Variants in CGNL1 observed in about 807,000 individuals in gnomAD.
CGNL1 encodes the protein cingulin-like protein 1.
CGNL1 carries 132 observed loss-of-function variants against 141.2 expected under a neutral mutation model. That is an observed-to-expected ratio of 0.93 (90% CI 0.81 to 1.08). The LOEUF is 1.08. Ranked by LOEUF, CGNL1 falls within the 50% of genes least tolerant of loss-of-function variation. The probability of loss-of-function intolerance (pLI) is 0.00; values close to 1 mark genes in which losing one functional copy is unlikely to be tolerated. For synonymous variants in CGNL1, 690 were observed against 622.1 expected (o/e 1.11, Z -1.63); for missense variants, 1,870 against 1,588.6 (o/e 1.18, Z -3.01).
chr15:57,500,049 T>C (rs932028), intron 8 of CGNL1, among the ~76,000 whole-genome samples: 20,028 of 152,094 alleles, frequency 0.13, 1,922 homozygotes, highest in East Asian at 0.46. Flanking sequence ...GAGGTGTGTA[T>C]TGGAGTTGGG....
At chr15:57,386,323 C>T (rs2062482611) in intron 1 of CGNL1, among the ~76,000 whole-genome samples, 1 of 152,202 alleles carries the variant, frequency 6.6e-6, no homozygotes, top group Non-Finnish European at 1.5e-5. Flanking sequence ...GTCACCCTCC[C>T]ATCTCGTCAT....
intron 10 of CGNL1, among the ~76,000 whole-genome samples, 185 bp from the exon 11 acceptor site, chr15:57,523,304 G>A (rs113803753): frequency 0.013 from 1,936 of 152,194 alleles, 42 homozygotes; most frequent in African/African-American, 0.044. Flanking sequence ...TTCCTATTTG[G>A]TCCTTGAATT....
intron 9 of CGNL1, among the ~76,000 whole-genome samples, chr15:57,517,241 C>G (rs16977564): frequency 0.37 from 55,680 of 152,138 alleles, 10,984 homozygotes; most frequent in Middle Eastern, 0.46. Context: ...CACCCAGATA[C>G]CAGACATACC....
At chr15:57,420,369 T>C (rs2062900414) in intron 1 of CGNL1, among the ~76,000 whole-genome samples, 1 of 152,208 alleles carries the variant, frequency 6.6e-6, no homozygotes, top group Admixed American at 6.5e-5. Context: ...AATATTCCTA[T>C]ATGTAACCAT....
chr15:57,392,746 C>T (rs1236286022), intron 1 of CGNL1, among the ~76,000 whole-genome samples: 1 of 152,126 alleles, frequency 6.6e-6, no homozygotes, highest in African/African-American at 2.4e-5. Context: ...CAAGAAACCA[C>T]CATCTCATGT....
rs775685565 is a variant in CGNL1, at chr15:57,461,826, C to G, written c.2337C>G (p.Asp779Glu). Residue 779 changes from aspartate to glutamate, a missense_variant, in exon 8 of 19, where the codon GAC becomes GAG. Asp to Glu is a conservative substitution (Grantham distance 45, BLOSUM62 2). Coordinates refer to ENST00000281282, the MANE Select transcript of CGNL1 (RefSeq NM_032866.5). Reference protein sequence around the residue: ...EEVSSHDQEMDKLKEQYDAEL... With the variant: ...EEVSSHDQEMEKLKEQYDAEL... Reference sequence around the variant, plus strand: ...TTTCCAGCCATGATCAGGAGATGGACAAGCTGAAGGAGCAATATGATGCTG... The same window carrying G: ...TTTCCAGCCATGATCAGGAGATGGAGAAGCTGAAGGAGCAATATGATGCTG... 22 of 1,614,032 alleles carry G rather than the reference C, an allele frequency of 1.4e-5. No homozygotes were observed. The highest frequency in any genetic ancestry group is 1.6e-5 in the Non-Finnish European group (19 of 1,180,012).
At chr15:57,387,150 A>AATAT (rs1285721970) in intron 1 of CGNL1, among the ~76,000 whole-genome samples, 1 of 152,132 alleles carries the variant, frequency 6.6e-6, no homozygotes, top group Non-Finnish European at 1.5e-5. Flanking sequence ...TTTCTGTGGA[A>AATAT]CTGCCTAGTC....
intron 8 of CGNL1, among the ~76,000 whole-genome samples, chr15:57,497,562 T>C (rs1356468109): frequency 2.6e-5 from 4 of 152,248 alleles, no homozygotes; most frequent in Non-Finnish European, 5.9e-5. Flanking sequence ...CTTCACTCTC[T>C]GCTTCTTATT....
intron 4 of CGNL1, among the ~76,000 whole-genome samples, chr15:57,444,098 C>G (rs552729975): frequency 1.1e-4 from 16 of 152,290 alleles, no homozygotes; most frequent in Non-Finnish European, 1.8e-4. Context: ...GGTTTCTTCC[C>G]CCATCAGTTA....
intron 12 of CGNL1, among the ~76,000 whole-genome samples, chr15:57,526,947 CAT>C (rs2031651930): frequency 6.6e-6 from 1 of 152,182 alleles, no homozygotes; most frequent in Admixed American, 6.5e-5. Context: ...CCCTCACACT[CAT>C]GTTCTTTCTG....
intron 8 of CGNL1, among the ~76,000 whole-genome samples, chr15:57,514,483 G>A (rs1338122566): frequency 4.6e-5 from 7 of 152,084 alleles, no homozygotes; most frequent in Non-Finnish European, 8.8e-5. Context: ...CTGAGTTAAA[G>A]AATCATTTAT....
rs142707768 is a variant in CGNL1 at position 57,524,722 on chromosome 15, C to G, written c.3010C>G (p.Arg1004Gly). 7 of 1,614,004 alleles carry G rather than the reference C, an allele frequency of 4.3e-6. No homozygotes were observed. The South Asian group carries it at 4.4e-5, about 10-fold the overall frequency. Residue 1004 changes from arginine to glycine, a missense_variant, in exon 12 of 19, where the codon CGA becomes GGA. By Grantham distance (125) the Arg-to-Gly change is moderately radical. Transcript: ENST00000281282. ...GAAAACGCTGGAGGCAGAAAAGTCC[C>G]GACTGACAGCCATGAAAATGCAGGA... The part of the protein sequence containing the change: ...KEKTLEAEKS[R>G]LTAMKMQDEM...
At chr15:57,449,432 G>T (rs1413788013) in intron 4 of CGNL1, among the ~76,000 whole-genome samples, 3 of 152,146 alleles carry the variant, frequency 2.0e-5, no homozygotes, top group Non-Finnish European at 4.4e-5. Context: ...TAGGTTCTCA[G>T]TGAAATTGAG....
chr15:57,532,674 A>T (rs1595805262), intron 14 of CGNL1, among the ~76,000 whole-genome samples: 1 of 152,348 alleles, frequency 6.6e-6, no homozygotes, highest in East Asian at 1.9e-4. Context: ...TGAATGCTTC[A>T]TAGGTGTGTG....
chr15:57,470,597 G>A (rs1033176053), intron 8 of CGNL1, among the ~76,000 whole-genome samples: 1 of 152,174 alleles, frequency 6.6e-6, no homozygotes, highest in Admixed American at 6.5e-5. Flanking sequence ...GGGTTAGGCT[G>A]TAGAAGACAA....
At chr15:57,462,772 GGTTT>G (rs1226752979) in intron 8 of CGNL1, among the ~76,000 whole-genome samples, 4 of 152,108 alleles carry the variant, frequency 2.6e-5, no homozygotes, top group African/African-American at 9.7e-5. Flanking sequence ...ATGAAAGATG[GGTTT>G]GTTTGTTATA....
chr15:57,452,963 T>G (rs570068183), intron 6 of CGNL1, among the ~76,000 whole-genome samples: 1 of 152,254 alleles, frequency 6.6e-6, no homozygotes, highest in African/African-American at 2.4e-5. Flanking sequence ...GATGGTGGTG[T>G]TTTGCGTTTA....
At chr15:57,474,575 A>G (rs576750069) in intron 8 of CGNL1, among the ~76,000 whole-genome samples, 100 of 152,354 alleles carry the variant, frequency 6.6e-4, no homozygotes, top group African/African-American at 2.1e-3. Context: ...ACACCCGCAT[A>G]GTTTAAGGAC....
chr15:57,395,448 T>C (rs2062591864), intron 1 of CGNL1, among the ~76,000 whole-genome samples: 1 of 152,256 alleles, frequency 6.6e-6, no homozygotes, highest in Non-Finnish European at 1.5e-5. Context: ...TGATTCACCC[T>C]TCTTGAAATG....
Sources: allele counts gnomAD v4.1 joint callset (sites outside exome capture counted in the v4.1 genomes callset), GRCh38; gene constraint gnomAD v4.1.1; transcripts MANE v1.5; gene names NCBI Gene and HGNC (gene_info 2026-07-23, HGNC 2026-07-21).